CNR2: variants seen among roughly 807,000 people sequenced by gnomAD.
CNR2 encodes the protein cannabinoid receptor 2 (macrophage).
For synonymous variants in CNR2, 172 were observed against 182.2 expected, an observed-to-expected ratio of 0.94 and a Z score of 0.45; for missense variants, 379 against 439.9, an observed-to-expected ratio of 0.86 and a Z score of 1.24.
In CNR2 at chr1:23,877,656, G is replaced by GA. The variant is rs1220867123; in HGVS notation, c.-45-1995dup. Among the ~76,000 whole-genome samples, 578 of 146,404 alleles carry GA rather than the reference G, an allele frequency of 3.9e-3. 3 individuals are homozygous for GA. The highest frequency in any genetic ancestry group is 0.013 in the African/African-American group (536 of 39,862). Reference sequence around the variant, plus strand: ...GACTCCATCTCAAAAAAAATAAAAAGAAAAAAAAAGAAAGTAGATCTGGGG... The same window carrying GA: ...GACTCCATCTCAAAAAAAATAAAAAGAAAAAAAAAAGAAAGTAGATCTGGGG... On this transcript the variant is annotated intron_variant, in intron 1 of 1. Transcript: ENST00000374472.
chr1:23,891,542 C>G (rs1640192042), intron 1 of CNR2, among the ~76,000 whole-genome samples: 1 of 146,102 alleles, frequency 6.8e-6, no homozygotes, highest in Admixed American at 7.2e-5. Context: ...TTGCTTGAAT[C>G]TGGGAGGCAG....
Position 23,902,850 on chromosome 1 carries a change from C to T in CNR2, c.-46+10396G>A, listed in dbSNP as rs1281900738. On this transcript the variant is annotated intron_variant, in intron 1 of 1. Transcript: ENST00000374472. ...TGCCCGGCCTTCCTGCCCACGGCGG[C>T]GCCGGCGTTGCTGTGGGCTAGGACC... 8.2e-6 allele frequency: 10 copies of T among 1,222,898 alleles called. No individual in the cohort carries two copies. In the African/African-American group the frequency reaches 1.4e-4, roughly 17 times the overall value. The allele number at this position is 1,222,898 out of a possible 1,614,324, so 75.8% of individuals were successfully genotyped here. A position where few individuals can be genotyped will look rare whatever the true frequency, so the allele number is the denominator to read the frequency against.
chr1:23,882,535 G>A (rs1198987291), intron 1 of CNR2, among the ~76,000 whole-genome samples: 2 of 152,004 alleles, frequency 1.3e-5, no homozygotes, highest in African/African-American at 4.8e-5. Context: ...ATCAGGTGCG[G>A]TGGCTTACAC....
chr1:23,879,578 A>C (rs1294016498), intron 1 of CNR2, among the ~76,000 whole-genome samples: 3 of 152,232 alleles, frequency 2.0e-5, no homozygotes, highest in African/African-American at 7.2e-5. Flanking sequence ...GTGCCACCAC[A>C]CTCCAGTGTG....
chr1:23,897,410 A>C (rs926484608), intron 1 of CNR2, among the ~76,000 whole-genome samples: 7 of 152,100 alleles, frequency 4.6e-5, no homozygotes, highest in African/African-American at 1.7e-4. Flanking sequence ...TACACCTATT[A>C]GTACTTGCTG....
chr1:23,895,781 C>A (rs565997540), intron 1 of CNR2, among the ~76,000 whole-genome samples: 2 of 152,144 alleles, frequency 1.3e-5, no homozygotes, highest in Admixed American at 1.3e-4. Context: ...GGGATTACAG[C>A]GTGAGCCACC....
intron 1 of CNR2, among the ~76,000 whole-genome samples, chr1:23,891,366 C>T (rs2502962): frequency 0.12 from 17,793 of 151,640 alleles, 1,418 homozygotes; most frequent in East Asian, 0.45. Flanking sequence ...CACCTATAAT[C>T]CCAGCACTTT....
chr1:23,880,686 T>C (rs1005950961), intron 1 of CNR2, among the ~76,000 whole-genome samples: 1 of 151,842 alleles, frequency 6.6e-6, no homozygotes, highest in African/African-American at 2.4e-5. Flanking sequence ...CTGCTTCAGC[T>C]TCCTGAGTAG....
chr1:23,888,280 C>T (rs1045794823), intron 1 of CNR2, among the ~76,000 whole-genome samples: 4 of 152,210 alleles, frequency 2.6e-5, no homozygotes, highest in Admixed American at 2.6e-4. Flanking sequence ...GTTCTAGTTC[C>T]ACCTCCACCA....
At chr1:23,903,511 C>G (rs1640438224) in intron 1 of CNR2, among the ~76,000 whole-genome samples, 1 of 149,612 alleles carries the variant, frequency 6.7e-6, no homozygotes, top group Admixed American at 6.7e-5. Flanking sequence ...GTGGTTGAAG[C>G]TACAGCTAGC....
chr1:23,871,406 T>C lies in CNR2; in HGVS notation c.*3129A>G, dbSNP rs982114485. The C allele has an allele frequency of 3.3e-5, 5 of 152,208 alleles. No homozygotes were observed. Among genetic ancestry groups the C allele is most frequent in the African/African-American group, 1.2e-4 (5 of 41,452 alleles). 9.4% of individuals were successfully genotyped at this position (152,208 alleles called of 1,614,324 possible). A position where few individuals can be genotyped will look rare whatever the true frequency, so the allele number is the denominator to read the frequency against. ...GAATGACAGTATATAAACATGCAAA[T>C]TCACTTTTAAACATTTATGCTACTT... is the stretch of plus-strand genomic sequence containing the variant. On this transcript the variant is annotated 3_prime_UTR_variant, in exon 2 of 2. Transcript: ENST00000374472.
intron 1 of CNR2, among the ~76,000 whole-genome samples, chr1:23,880,479 T>G (rs1287286868): frequency 2.0e-5 from 3 of 152,078 alleles, no homozygotes; most frequent in Non-Finnish European, 4.4e-5. Context: ...TAGCCCAACC[T>G]CCAGCTCTTT....
intron 1 of CNR2, among the ~76,000 whole-genome samples, chr1:23,912,795 C>G (rs1640608389): frequency 6.6e-6 from 1 of 152,204 alleles, no homozygotes. Flanking sequence ...CCCCAGGTGT[C>G]CTGAAATGAC....
intron 1 of CNR2, among the ~76,000 whole-genome samples, chr1:23,880,419 C>T (rs184983424): frequency 2.1e-4 from 32 of 152,148 alleles, no homozygotes; most frequent in Admixed American, 1.6e-3. Flanking sequence ...CGTGATCTGC[C>T]CGCCTTAGCC....
intron 1 of CNR2, among the ~76,000 whole-genome samples, chr1:23,882,777 G>A (rs1195467657): frequency 6.6e-6 from 1 of 151,970 alleles, no homozygotes; most frequent in African/African-American, 2.4e-5. Context: ...CCAAGATTGT[G>A]CCACTGCACT....
At chr1:23,887,480 A>G (rs1184920767) in intron 1 of CNR2, among the ~76,000 whole-genome samples, 1 of 152,218 alleles carries the variant, frequency 6.6e-6, no homozygotes, top group Non-Finnish European at 1.5e-5. Context: ...TGGCATGGCC[A>G]CCAACATGTG....
chr1:23,910,618 T>G (rs1469391339), intron 1 of CNR2, among the ~76,000 whole-genome samples: 1 of 110,942 alleles, frequency 9.0e-6, no homozygotes, highest in African/African-American at 3.6e-5. Flanking sequence ...TACGCCATTA[T>G]ACTCCAGCCT....
Sources: allele counts gnomAD v4.1 joint callset (sites outside exome capture counted in the v4.1 genomes callset), GRCh38; gene constraint gnomAD v4.1.1; transcripts MANE v1.5; gene names NCBI Gene and HGNC (gene_info 2026-07-23, HGNC 2026-07-21).